TEKT5: variants seen among roughly 807,000 people sequenced by gnomAD.
The protein encoded by TEKT5 is tektin-5.
In TEKT5, 52 loss-of-function variants were observed where a neutral mutation model predicts 48.7. That is an observed-to-expected ratio of 1.07 (90% CI 0.86 to 1.35). TEKT5 has a LOEUF of 1.35. Among genes scored for constraint, TEKT5 ranks in the 40% most tolerant of loss-of-function variants. The pLI is 0.00. For synonymous variants in TEKT5, 318 were observed against 267.6 expected (o/e 1.19, Z -1.84); for missense variants, 831 against 641.6 (o/e 1.30, Z -3.19).
intron 5 of TEKT5, among the ~76,000 whole-genome samples, chr16:10,666,777 C>A (rs2541513): frequency 0.34 from 51,847 of 151,960 alleles, 10,024 homozygotes; most frequent in East Asian, 0.54. Flanking sequence ...AGTGCCCTTG[C>A]AACCTGGTCA....
intron 5 of TEKT5, among the ~76,000 whole-genome samples, chr16:10,660,390 C>T (rs1226052998): frequency 2.6e-5 from 4 of 152,244 alleles, no homozygotes; most frequent in African/African-American, 7.2e-5. Flanking sequence ...CCACCCCCAC[C>T]TGCTGGCAGA....
chr16:10,688,122 G>C (rs941725752), intron 3 of TEKT5, among the ~76,000 whole-genome samples: 2 of 152,170 alleles, frequency 1.3e-5, no homozygotes, highest in African/African-American at 4.8e-5. Context: ...GTGATAGGTG[G>C]AATTGTGAGA....
At chr16:10,667,535 C>A (rs192710020) in intron 5 of TEKT5, among the ~76,000 whole-genome samples, 2 of 152,332 alleles carry the variant, frequency 1.3e-5, no homozygotes. Flanking sequence ...CATCCGACCA[C>A]GTGGCAGCTT....
rs1596414770 is a variant in TEKT5, at chr16:10,675,153, C to T, written c.1086+806G>A. Among the ~76,000 whole-genome samples the T allele has an allele frequency of 2.0e-5, 3 of 152,250 alleles. No individual in the cohort carries two copies. In the South Asian group the frequency reaches 6.2e-4, roughly 32 times the overall value. On this transcript the variant is annotated intron_variant, in intron 5 of 6. Coordinates refer to ENST00000283025, the MANE Select transcript of TEKT5 (RefSeq NM_144674.2). ...AAAAAGGGGTACTGTTCTGCAAACA[C>T]AAATTCAAGGCTAGTTCCCTCTGAC...
chr16:10,627,504 C>A lies in TEKT5; in HGVS notation c.*79G>T. On this transcript the variant is annotated 3_prime_UTR_variant, in exon 7 of 7. Transcript: ENST00000283025. The stretch of plus-strand genomic sequence containing the variant: ...AAGAAAAAAAGAAAGTCGGCCCTTT[C>A]AAACAAAATACTGTTTTACTTTGTT... 6.8e-7 allele frequency: 1 copy of A among 1,463,256 alleles called. No homozygotes were observed. 90.6% of individuals were successfully genotyped at this position (1,463,256 alleles called of 1,614,324 possible). A position where few individuals can be genotyped will look rare whatever the true frequency, so the allele number is the denominator to read the frequency against.
chr16:10,690,135 C>G (rs776227933), intron 1 of TEKT5, 110 bp from the exon 2 acceptor site: 1 of 1,174,866 alleles, frequency 8.5e-7, no homozygotes, highest in African/African-American at 1.5e-5. Flanking sequence ...TCCCGGAAAC[C>G]TGGGTGCTTC....
At chr16:10,646,953 C>T (rs576248694) in intron 5 of TEKT5, among the ~76,000 whole-genome samples, 11 of 152,320 alleles carry the variant, frequency 7.2e-5, no homozygotes, top group Admixed American at 6.5e-4. Flanking sequence ...GAAACCTCCC[C>T]TTTGTGGGGG....
intron 5 of TEKT5, among the ~76,000 whole-genome samples, chr16:10,667,880 A>ATT (rs59048654): frequency 1.5e-5 from 1 of 67,406 alleles, no homozygotes; most frequent in Non-Finnish European, 2.6e-5. Flanking sequence ...TAAGTTAATA[A>ATT]TTTTTTTTTT....
chr16:10,660,277 C>T (rs1898342305), intron 5 of TEKT5, among the ~76,000 whole-genome samples: 4 of 152,146 alleles, frequency 2.6e-5, no homozygotes, highest in Admixed American at 2.0e-4. Flanking sequence ...GAATGTGGCT[C>T]AGAAAAAGAG....
chr16:10,638,410 G>A (rs955814656), intron 5 of TEKT5, among the ~76,000 whole-genome samples: 5 of 152,142 alleles, frequency 3.3e-5, no homozygotes, highest in Admixed American at 3.3e-4. Flanking sequence ...GCCCTTTGAG[G>A]ACAGGCTGTC....
intron 6 of TEKT5, 92 bp downstream of exon 6, chr16:10,635,672 G>C (rs1162347959): frequency 2.0e-6 from 3 of 1,525,074 alleles, no homozygotes; most frequent in Non-Finnish European, 2.6e-6. Context: ...CCATTTTTCA[G>C]ACCCAGTGCA....
intron 4 of TEKT5, among the ~76,000 whole-genome samples, chr16:10,678,739 G>C (rs1351751373): frequency 6.6e-6 from 1 of 152,206 alleles, no homozygotes; most frequent in African/African-American, 2.4e-5. Context: ...GACAGTGTCA[G>C]TGTCATAAAC....
rs186680849 is a variant in TEKT5 at position 10,631,366 on chromosome 16, G to T, written c.1242-3567C>A. Among the ~76,000 whole-genome samples the T allele has an allele frequency of 9.4e-3, 1,295 of 138,116 alleles. 33 individuals are homozygous for T. The highest frequency in any genetic ancestry group is 0.033 in the African/African-American group (1,221 of 37,518). 90.6% of individuals were successfully genotyped at this position (138,116 alleles called of 152,430 possible). ...AAGCCATGGGGTGGGGGCGGGGGAGGGTTGAAACAGGGGAATGGCATGCTG... is the reference window on the plus strand; with the variant it reads ...AAGCCATGGGGTGGGGGCGGGGGAGTGTTGAAACAGGGGAATGGCATGCTG... On this transcript the variant is annotated intron_variant, in intron 6 of 6. Transcript: ENST00000283025.
chr16:10,657,522 TC>T (rs1011763782), intron 5 of TEKT5, among the ~76,000 whole-genome samples: 1 of 152,018 alleles, frequency 6.6e-6, no homozygotes, highest in Non-Finnish European at 1.5e-5. Context: ...ACCAATGACT[TC>T]CAAAGTGATT....
chr16:10,691,215 G>C (rs1430546022), intron 1 of TEKT5: 1 of 152,270 alleles, frequency 6.6e-6, no homozygotes, highest in Admixed American at 6.5e-5. Flanking sequence ...TATAGTCCCA[G>C]CTCCTCAGGA....
rs546126721 is a variant in TEKT5, at chr16:10,667,129, G to A, written c.1086+8830C>T. On this transcript the variant is annotated intron_variant, in intron 5 of 6. Transcript: ENST00000283025. ...CTCCCAAGTAGCTGGGACTACAGGC[G>A]CATGCCACCATGCCCAGCTAATTTT... Among the ~76,000 whole-genome samples, 4 of 151,620 alleles carry A rather than the reference G, an allele frequency of 2.6e-5. No homozygotes were observed. In the South Asian group the frequency reaches 6.3e-4, roughly 24 times the overall value.
At chr16:10,676,250 G>A (rs927605464) in intron 4 of TEKT5, 69 bp from the exon 5 acceptor site, 2 of 1,469,570 alleles carry the variant, frequency 1.4e-6, no homozygotes, top group African/African-American at 2.8e-5. Context: ...CTCCGCCTTG[G>A]CAGTCTTGGC....
rs1389717993 is a variant in TEKT5, at chr16:10,694,926, T to C, written c.-53A>G. On this transcript the variant is annotated 5_prime_UTR_variant, in exon 1 of 7. It removes an upstream start codon present in the reference 5' UTR. Coordinates refer to ENST00000283025, the MANE Select transcript of TEKT5 (RefSeq NM_144674.2). The stretch of plus-strand genomic sequence containing the variant: ...AACTCAGCTCAAGGAGCCAAAGGCA[T>C]CACCAGGAAAGGTGAAAGTGCTTCT... The C allele has an allele frequency of 1.3e-6, 2 of 1,484,890 alleles. No individual in the cohort carries two copies. Among genetic ancestry groups the C allele is most frequent in the Non-Finnish European group, 1.8e-6 (2 of 1,117,978 alleles). 92.0% of individuals were successfully genotyped at this position (1,484,890 alleles called of 1,614,324 possible).
At chr16:10,646,845 A>T (rs1898078111) in intron 5 of TEKT5, among the ~76,000 whole-genome samples, 1 of 152,178 alleles carries the variant, frequency 6.6e-6, no homozygotes, top group African/African-American at 2.4e-5. Context: ...CGCTGGTTAA[A>T]CATTATCCCA....
Sources: allele counts gnomAD v4.1 joint callset (sites outside exome capture counted in the v4.1 genomes callset), GRCh38; gene constraint gnomAD v4.1.1; transcripts MANE v1.5; gene names NCBI Gene and HGNC (gene_info 2026-07-23, HGNC 2026-07-21).